USP14: variants seen among roughly 807,000 people sequenced by gnomAD.
USP14 encodes ubiquitin specific peptidase 14, also known as ubiquitin carboxyl-terminal hydrolase 14.
In USP14, 38 loss-of-function variants were observed where a neutral mutation model predicts 76.5. The observed-to-expected ratio is 0.50, with a 90% CI of 0.38 to 0.65. USP14 has a LOEUF of 0.65. USP14 is among the 30% of genes least tolerant of loss of function. The pLI is 0.00. For missense variants in USP14, 467 were observed against 586.5 expected, an observed-to-expected ratio of 0.80 and a Z score of 2.10; for synonymous variants, 192 against 191.7, an observed-to-expected ratio of 1.00 and a Z score of -0.01.
chr18:204,186 A>G (rs976615639), intron 12 of USP14, among the ~76,000 whole-genome samples: 9 of 151,522 alleles, frequency 5.9e-5, no homozygotes, highest in African/African-American at 1.7e-4. Flanking sequence ...GTAAAGTTGT[A>G]TTTCAAATAA....
intron 8 of USP14, 135 bp from the exon 9 acceptor site, chr18:197,912 G>T: frequency 1.3e-6 from 1 of 792,964 alleles, no homozygotes; most frequent in Non-Finnish European, 1.9e-6. Context: ...GTTGATTTTT[G>T]GTAATGTTTT....
chr18:200,154 A>G (rs1160903993), intron 10 of USP14, among the ~76,000 whole-genome samples: 1 of 152,224 alleles, frequency 6.6e-6, no homozygotes, highest in Admixed American at 6.5e-5. Flanking sequence ...TGAATAGTTT[A>G]CATGTTTGTT....
rs1555603831 is a variant in USP14, at chr18:213,975, T to TTAGATAGATGATAGATAGA, written c.*2700_*2701insGATAGATAGATAGATAGAT. 1 of 150,100 alleles carries TTAGATAGATGATAGATAGA rather than the reference T, an allele frequency of 6.7e-6. No homozygotes were observed. The highest frequency in any genetic ancestry group is 2.5e-5 in the African/African-American group (1 of 40,276). The allele number at this position is 150,100 out of a possible 1,614,324, so 9.3% of individuals were successfully genotyped here. Reference sequence around the variant, plus strand: ...TTCTGTAATGGACAAGATAGATAGATTAGATAGATAGATAGATAGATAGAT... The same window carrying TTAGATAGATGATAGATAGA: ...TTCTGTAATGGACAAGATAGATAGATTAGATAGATGATAGATAGATAGATAGATAGATAGATAGATAGAT... On this transcript the variant is annotated 3_prime_UTR_variant, in exon 16 of 16. Coordinates refer to ENST00000261601, the MANE Select transcript of USP14 (RefSeq NM_005151.4).
At chr18:176,748 T>C (rs941368695) in intron 3 of USP14, among the ~76,000 whole-genome samples, 7 of 152,150 alleles carry the variant, frequency 4.6e-5, no homozygotes, top group African/African-American at 1.7e-4. Context: ...ACTTGCATTC[T>C]TTTATGAATA....
intron 2 of USP14, among the ~76,000 whole-genome samples, chr18:165,117 G>A (rs574906603): frequency 6.6e-6 from 1 of 151,952 alleles, no homozygotes; most frequent in Non-Finnish European, 1.5e-5. Flanking sequence ...CGTGACAAAT[G>A]TTTGTATTTT....
chr18:202,798 A>G (rs772877511), intron 10 of USP14, 82 bp from the exon 11 acceptor site: 17 of 1,409,960 alleles, frequency 1.2e-5, no homozygotes, highest in Non-Finnish European at 1.6e-5. Flanking sequence ...CTAGTTTTTA[A>G]AAGGCTTACT....
chr18:202,905 A>G lies in USP14; in HGVS notation c.902A>G (p.Gln301Arg), dbSNP rs771777117. ...KLRLQEEITKQSPTLQRNALY... is the reference protein window; with the variant it reads ...KLRLQEEITKRSPTLQRNALY... ...CGACTTCAGGAAGAAATCACCAAAC[A>G]GTCTCCAACGTTGCAAAGAAATGCC... The change falls in exon 11 of 16, where the codon CAG (glutamine) becomes CGG (arginine). Residue 301 changes from glutamine (Q) to arginine (R), a missense_variant. Transcript: ENST00000261601. 4 of 1,614,182 alleles carry G rather than the reference A, an allele frequency of 2.5e-6. No individual in the cohort carries two copies. In the South Asian group the frequency reaches 4.4e-5, roughly 18 times the overall value.
intron 3 of USP14, among the ~76,000 whole-genome samples, chr18:177,385 G>T (rs1208098720): frequency 1.4e-5 from 2 of 147,204 alleles, no homozygotes; most frequent in Non-Finnish European, 3.0e-5. Context: ...TTGTGCCACT[G>T]CACTCCTGCC....
chr18:164,610 T>C (rs1392937319), intron 2 of USP14, among the ~76,000 whole-genome samples: 1 of 152,018 alleles, frequency 6.6e-6, no homozygotes, highest in Non-Finnish European at 1.5e-5. Context: ...TCTACCACCA[T>C]GCCCGGCTAA....
At chr18:209,527 G>A (rs16952924) in intron 13 of USP14, among the ~76,000 whole-genome samples, 9,458 of 152,202 alleles carry the variant, frequency 0.062, 673 homozygotes, top group East Asian at 0.33. Flanking sequence ...TTGTGCTGGC[G>A]TGGTAAGTGG....
At chr18:187,541 T>C (rs1909962897) in intron 5 of USP14, among the ~76,000 whole-genome samples, 1 of 152,220 alleles carries the variant, frequency 6.6e-6, no homozygotes. Flanking sequence ...AATATTTAGC[T>C]TCCCCATCCA....
chr18:175,645 A>G (rs1909606375), intron 3 of USP14, among the ~76,000 whole-genome samples: 1 of 152,138 alleles, frequency 6.6e-6, no homozygotes. Flanking sequence ...CTCTTTTCAT[A>G]AGAGATAATG....
At chr18:174,309 A>G (rs1335296662) in intron 3 of USP14, among the ~76,000 whole-genome samples, 9 of 143,172 alleles carry the variant, frequency 6.3e-5, no homozygotes, top group Admixed American at 5.8e-4. Context: ...TCTGACGCCC[A>G]GGCTGGAGTG....
chr18:167,934 CTTT>C (rs34207469), intron 3 of USP14, among the ~76,000 whole-genome samples: 2 of 116,092 alleles, frequency 1.7e-5, no homozygotes, highest in Non-Finnish European at 1.8e-5. Context: ...ATTTTTCTCT[CTTT>C]TTTTTTTTTT....
At chr18:196,523 C>CA (rs370840175) in intron 6 of USP14, 114 bp from the exon 7 acceptor site, 116,373 of 925,060 alleles carry the variant, frequency 0.13, no homozygotes, top group Non-Finnish European at 0.13. Flanking sequence ...GACTCCATCT[C>CA]AAAAAAAAAA....
At chr18:190,510 C>T (rs1317601874) in intron 5 of USP14, among the ~76,000 whole-genome samples, 1 of 152,102 alleles carries the variant, frequency 6.6e-6, no homozygotes, top group African/African-American at 2.4e-5. Flanking sequence ...TTTAGAAACA[C>T]ATATATGAAA....
Position 210,031 on chromosome 18 carries a change from GGTAA to G in USP14, c.1225+5_1225+8del. 6.3e-7 allele frequency: 1 copy of G among 1,599,004 alleles called. No individual in the cohort carries two copies. Among genetic ancestry groups the G allele is most frequent in the Non-Finnish European group, 8.5e-7 (1 of 1,173,344 alleles). On this transcript the variant is annotated splice_donor_variant and splice_donor_region_variant and intron_variant, in intron 14 of 15. Coordinates refer to ENST00000261601, the MANE Select transcript of USP14 (RefSeq NM_005151.4). LOFTEE classifies it high-confidence loss of function. Reference sequence around the variant, plus strand: ...GTATGAACCCTTTTCTTTTGCTGATGGTAAGTAACATTCTCATTTTAATTGAGTT... The same window carrying G: ...GTATGAACCCTTTTCTTTTGCTGATGGTAACATTCTCATTTTAATTGAGTT...
intron 3 of USP14, among the ~76,000 whole-genome samples, chr18:167,650 C>T (rs1339825093): frequency 2.6e-5 from 4 of 151,900 alleles, no homozygotes; most frequent in Non-Finnish European, 4.4e-5. Context: ...GGACCACAGG[C>T]GGGTGTTACC....
At chr18:175,462 T>A (rs1471369110) in intron 3 of USP14, among the ~76,000 whole-genome samples, 1 of 152,194 alleles carries the variant, frequency 6.6e-6, no homozygotes, top group Non-Finnish European at 1.5e-5. Context: ...GGAAGTTGAA[T>A]TTTGTCATTT....
Sources: gnomAD v4.1 joint callset for allele counts (sites outside exome capture counted in the v4.1 genomes callset) on GRCh38, gnomAD v4.1.1 for gene constraint, MANE v1.5 for transcripts, NCBI Gene and HGNC (gene_info 2026-07-23, HGNC 2026-07-21) for gene names.